Variants in RPTOR observed in about 807,000 individuals in gnomAD.
RPTOR encodes the protein regulatory-associated protein of mTOR.
RPTOR carries 21 observed loss-of-function variants against 169.9 expected under a neutral mutation model. That is an observed-to-expected ratio of 0.12 (90% confidence interval 0.09 to 0.18). The LOEUF (loss-of-function observed/expected upper bound fraction) is 0.18. Among genes scored for constraint, RPTOR ranks in the 10% least tolerant of loss-of-function variants. The pLI, the probability that RPTOR is intolerant of heterozygous loss-of-function variation, is 1.00. For synonymous variants in RPTOR, 732 were observed against 753.2 expected (o/e 0.97, Z 0.46); for missense variants, 1,133 against 1,855.9 (o/e 0.61, Z 7.16).
intron 1 of RPTOR, among the ~76,000 whole-genome samples, chr17:80,554,407 A>T (rs1227481653): frequency 1.3e-5 from 2 of 152,036 alleles, no homozygotes; most frequent in East Asian, 3.9e-4. Context: ...CACATACTTC[A>T]ACCAAAACAG....
chr17:80,893,965 A>G (rs1359004272), intron 20 of RPTOR, 100 bp downstream of exon 20: 4 of 1,215,826 alleles, frequency 3.3e-6, no homozygotes, highest in South Asian at 1.8e-5. Flanking sequence ...AGTGGGTGTC[A>G]AAACTGTCTG....
At position 80,584,555 on chromosome 17, in the gene RPTOR, TTA is replaced by T. The variant is rs777015390; in HGVS notation, c.162+38766_162+38767del. Among the ~76,000 whole-genome samples the T allele has an allele frequency of 7.0e-4, 107 of 152,212 alleles. No homozygotes were observed. The Middle Eastern group carries it at 0.01, about 15-fold the overall frequency. Reference sequence around the variant, plus strand: ...CTCTGCCAGGAGTGCGATTTTTCCTTTATGTGTTACTCCGTTTACCATGTCTC... The same window carrying T: ...CTCTGCCAGGAGTGCGATTTTTCCTTTGTGTTACTCCGTTTACCATGTCTC... On this transcript the variant is annotated intron_variant, in intron 1 of 33. Transcript: ENST00000306801.
chr17:80,898,683 G>A (rs1379883062), intron 20 of RPTOR, among the ~76,000 whole-genome samples: 7 of 13,080 alleles, frequency 5.4e-4, no homozygotes, highest in African/African-American at 1.1e-3. Flanking sequence ...CCCACCCCCC[G>A]CCGCCCCGAC....
chr17:80,887,550 C>T (rs1598379585), intron 17 of RPTOR, among the ~76,000 whole-genome samples: 1 of 152,178 alleles, frequency 6.6e-6, no homozygotes, highest in Non-Finnish European at 1.5e-5. Context: ...GTGGAGCCGG[C>T]CCCATTCTCG....
At chr17:80,604,046 A>T (rs552490510) in intron 1 of RPTOR, among the ~76,000 whole-genome samples, 2 of 152,326 alleles carry the variant, frequency 1.3e-5, no homozygotes, top group Admixed American at 1.3e-4. Context: ...CTGCTTTCTT[A>T]ACCCTCTTCT....
rs2065252668 is a variant in RPTOR at position 80,609,255 on chromosome 17, G to A, written c.163-16436G>A. On this transcript the variant is annotated intron_variant, in intron 1 of 33. Transcript: ENST00000306801. This position sits in a 1 kb window ranked among gnomAD's most constrained non-coding sequence, Gnocchi z 4.8. ...AGAATTCTGCACTGTGAGCAGCGCA[G>A]GTCGGAAGAGGCATTTGGAAATGAC... is the stretch of plus-strand genomic sequence containing the variant. Among the ~76,000 whole-genome samples, 1 of 152,224 alleles carries A rather than the reference G, an allele frequency of 6.6e-6. No individual in the cohort carries two copies. Among genetic ancestry groups the A allele is most frequent in the Admixed American group, 6.5e-5 (1 of 15,276 alleles).
chr17:80,845,680 A>G lies in RPTOR; in HGVS notation c.1213-793A>G. Reference sequence around the variant, plus strand: ...CAGCGTCCTGTCCCCATTACTCCACATCTACAAAAAGCACTTCCTGACCCT... The same window carrying G: ...CAGCGTCCTGTCCCCATTACTCCACGTCTACAAAAAGCACTTCCTGACCCT... On this transcript the variant is annotated intron_variant, in intron 10 of 33. Transcript: ENST00000306801. The surrounding 1 kb of genome is among the most constrained non-coding windows in gnomAD (Gnocchi z 5.4). 6.6e-6 allele frequency among the ~76,000 whole-genome samples: 1 copy of G among 151,296 alleles called. No homozygotes were observed. Among genetic ancestry groups the G allele is most frequent in the East Asian group, 1.9e-4 (1 of 5,134 alleles).
chr17:80,890,948 C>T (rs901562092), intron 17 of RPTOR, among the ~76,000 whole-genome samples: 2 of 151,696 alleles, frequency 1.3e-5, no homozygotes, highest in African/African-American at 2.4e-5. Context: ...CCTCTCACAG[C>T]GCTTGGCTTT....
chr17:80,589,314 T>C lies in RPTOR; in HGVS notation c.163-36377T>C, dbSNP rs536978839. On this transcript the variant is annotated intron_variant, in intron 1 of 33. Transcript: ENST00000306801. ...TGGGTCTGTTTCTGGCCCTTTGTGC[T>C]GTTCCGGGGGTACTTCTCTCTGTGT... Among the ~76,000 whole-genome samples, 135 of 152,274 alleles carry C rather than the reference T, an allele frequency of 8.9e-4. 1 individual carries two copies. The highest frequency in any genetic ancestry group is 3.2e-3 in the African/African-American group (133 of 41,538).
intron 13 of RPTOR, among the ~76,000 whole-genome samples, chr17:80,858,708 G>C (rs1213351678): frequency 6.6e-6 from 1 of 152,142 alleles, no homozygotes; most frequent in African/African-American, 2.4e-5. Flanking sequence ...AGGGCCTTGA[G>C]GGGGTGGATG....
chr17:80,654,274 G>A (rs1377140759), intron 3 of RPTOR, among the ~76,000 whole-genome samples: 1 of 152,270 alleles, frequency 6.6e-6, no homozygotes, highest in Admixed American at 6.5e-5. Context: ...CACTGATGCA[G>A]GTGCTAAGGC....
chr17:80,850,432 G>A (rs986138783), intron 11 of RPTOR, among the ~76,000 whole-genome samples: 1 of 152,166 alleles, frequency 6.6e-6, no homozygotes, highest in Non-Finnish European at 1.5e-5. Flanking sequence ...ATGCACAGAC[G>A]CTGCAGTTTC....
chr17:80,821,452 T>C (rs9910469), intron 7 of RPTOR, among the ~76,000 whole-genome samples: 24,121 of 152,202 alleles, frequency 0.16, 2,001 homozygotes, highest in Middle Eastern at 0.22. Flanking sequence ...TCCGAGTTAC[T>C]TCACTTAGAA....
chr17:80,937,099 G>A (rs1283198730), intron 24 of RPTOR, among the ~76,000 whole-genome samples: 1 of 152,178 alleles, frequency 6.6e-6, no homozygotes, highest in Non-Finnish European at 1.5e-5. Flanking sequence ...AGCGTCAAGG[G>A]GAAAAGCACA....
In RPTOR at chr17:80,844,441, A is replaced by G. The variant is rs968916514; in HGVS notation, c.1213-2032A>G. Among the ~76,000 whole-genome samples, 7 of 152,254 alleles carry G rather than the reference A, an allele frequency of 4.6e-5. No homozygotes were observed. The highest frequency in any genetic ancestry group is 6.5e-5 in the Admixed American group (1 of 15,282). The stretch of plus-strand genomic sequence containing the variant: ...TCTGAATTACCTGACTTCTGTTCAC[A>G]GACTCAAGCCTTCTCTAACTCAGGA... On this transcript the variant is annotated intron_variant, in intron 10 of 33. Coordinates refer to ENST00000306801, the MANE Select transcript of RPTOR (RefSeq NM_020761.3). This position sits in a 1 kb window ranked among gnomAD's most constrained non-coding sequence, Gnocchi z 4.7.
At chr17:80,912,206 T>C (rs2068621573) in intron 21 of RPTOR, among the ~76,000 whole-genome samples, 1 of 152,232 alleles carries the variant, frequency 6.6e-6, no homozygotes, top group South Asian at 2.1e-4. Context: ...CCAGTTCGCG[T>C]CTCTGCTGGC....
At chr17:80,713,764 C>T (rs1471817794) in intron 4 of RPTOR, among the ~76,000 whole-genome samples, 1 of 152,128 alleles carries the variant, frequency 6.6e-6, no homozygotes, top group Admixed American at 6.5e-5. Context: ...GCCAGGCACA[C>T]ACCATCCTGA....
At chr17:80,931,277 G>A (rs2068893907) in intron 24 of RPTOR, among the ~76,000 whole-genome samples, 1 of 152,230 alleles carries the variant, frequency 6.6e-6, no homozygotes, top group East Asian at 1.9e-4. Flanking sequence ...GGCAGGGGAA[G>A]TGAGTTGCCC....
intron 11 of RPTOR, among the ~76,000 whole-genome samples, chr17:80,851,189 A>G (rs959314127): frequency 2.0e-5 from 3 of 152,134 alleles, no homozygotes; most frequent in Admixed American, 6.5e-5. Flanking sequence ...TCAGCCTTCC[A>G]AAGTGTTTGC....
Sources: allele counts gnomAD v4.1 joint callset (sites outside exome capture counted in the v4.1 genomes callset), GRCh38; gene constraint gnomAD v4.1.1; non-coding constraint Gnocchi (gnomAD v3.1); transcripts MANE v1.5; gene names NCBI Gene and HGNC (gene_info 2026-07-23, HGNC 2026-07-21).